Variants in CDC42BPB observed in about 807,000 individuals in gnomAD.
CDC42BPB encodes CDC42 binding protein kinase beta.
In CDC42BPB, 37 loss-of-function variants were observed where a neutral mutation model predicts 214.9. The observed-to-expected ratio is 0.17, with a 90% CI of 0.13 to 0.23. CDC42BPB has a LOEUF of 0.23. CDC42BPB is among the 10% of genes least tolerant of loss of function. CDC42BPB has a pLI of 1.00. For synonymous variants in CDC42BPB, 931 were observed against 884.0 expected, an observed-to-expected ratio of 1.05 and a Z score of -0.94; for missense variants, 1,694 against 2,227.0, an observed-to-expected ratio of 0.76 and a Z score of 4.82.
At chr14:102,964,174 G>A (rs1893083298) in intron 19 of CDC42BPB, among the ~76,000 whole-genome samples, 1 of 152,266 alleles carries the variant, frequency 6.6e-6, no homozygotes, top group South Asian at 2.1e-4. Flanking sequence ...TGACTAAGCA[G>A]TGAGAGGGGC....
intron 5 of CDC42BPB, among the ~76,000 whole-genome samples, chr14:102,993,563 G>C (rs1485735363): frequency 6.6e-6 from 1 of 150,766 alleles, no homozygotes; most frequent in Non-Finnish European, 1.5e-5. Flanking sequence ...GGGAGGGAGG[G>C]AGGGGAAATG....
At chr14:103,032,039 A>G (rs1887409294) in intron 1 of CDC42BPB, among the ~76,000 whole-genome samples, 1 of 151,110 alleles carries the variant, frequency 6.6e-6, no homozygotes. Flanking sequence ...ATCCTCACCC[A>G]GCAAGCAGCA....
intron 16 of CDC42BPB, among the ~76,000 whole-genome samples, chr14:102,967,974 A>C (rs1262362657): frequency 6.6e-6 from 1 of 152,136 alleles, no homozygotes; most frequent in Admixed American, 6.5e-5. Flanking sequence ...AGACGCCTGT[A>C]GTCCCAGCCA....
rs769846883 is a variant in CDC42BPB at position 102,947,747 on chromosome 14, G to A, written c.3505C>T (p.Arg1169Cys). The change falls in exon 27 of 37, where the codon CGC becomes TGC. Residue 1169 changes from arginine (R) to cysteine (C), a missense_variant. Arg to Cys is a radical substitution (Grantham distance 180). Coordinates refer to ENST00000361246, the MANE Select transcript of CDC42BPB (RefSeq NM_006035.4). ...VLASDVIHAT[R>C]RDIPCIFRVT... ...CTGAATATACATGGAATATCTCGGC[G>A]TGTAGCATGAATGACATCTGAGGCC... 3.7e-6 allele frequency: 6 copies of A among 1,612,316 alleles called. No homozygotes were observed. The highest frequency in any genetic ancestry group is 3.3e-5 in the South Asian group (3 of 91,070).
At chr14:102,974,475 C>T (rs778544046) in intron 11 of CDC42BPB, among the ~76,000 whole-genome samples, 7 of 152,218 alleles carry the variant, frequency 4.6e-5, no homozygotes, top group Non-Finnish European at 1.0e-4. Flanking sequence ...CAGCACAGTG[C>T]CTGGCCCTTG....
intron 5 of CDC42BPB, among the ~76,000 whole-genome samples, chr14:102,988,709 T>G (rs925522935): frequency 1.3e-5 from 2 of 152,142 alleles, no homozygotes; most frequent in Non-Finnish European, 2.9e-5. Context: ...TAAATTGGTG[T>G]TGTGACAACT....
intron 1 of CDC42BPB, among the ~76,000 whole-genome samples, chr14:103,019,899 T>C (rs1886672077): frequency 6.6e-6 from 1 of 152,088 alleles, no homozygotes; most frequent in African/African-American, 2.4e-5. Context: ...TCCCTTTAAA[T>C]AGGAAAAGCT....
rs988322613 is a variant in CDC42BPB, at chr14:102,943,669, T to C, written c.4408+222A>G. On this transcript the variant is annotated intron_variant, in intron 30 of 36. Coordinates refer to ENST00000361246, the MANE Select transcript of CDC42BPB (RefSeq NM_006035.4). The surrounding 1 kb of genome is among the most constrained non-coding windows in gnomAD (Gnocchi z 4.6). ...GAGGCCTCTGGAAGAACCGGCCCCA[T>C]GTGCTCAGGGAGAGAGGTTGCTGAG... The C allele has an allele frequency of 1.8e-6, 1 of 543,590 alleles. No individual in the cohort carries two copies. The highest frequency in any genetic ancestry group is 3.2e-6 in the Non-Finnish European group (1 of 310,386). 33.7% of individuals were successfully genotyped at this position (543,590 alleles called of 1,614,324 possible).
In CDC42BPB at chr14:103,057,263, C is replaced by T; in HGVS notation, c.-90G>A. ...CGCGCCCTCGGGGGCTCGGCGGCTGCGAGCCCCGGCAGCAGCGGCGCCTCC... is the reference window on the plus strand; with the variant it reads ...CGCGCCCTCGGGGGCTCGGCGGCTGTGAGCCCCGGCAGCAGCGGCGCCTCC... On this transcript the variant is annotated 5_prime_UTR_variant, in exon 1 of 37. Coordinates refer to ENST00000361246, the MANE Select transcript of CDC42BPB (RefSeq NM_006035.4). 1 of 1,164,422 alleles carries T rather than the reference C, an allele frequency of 8.6e-7. No homozygotes were observed. The highest frequency in any genetic ancestry group is 1.1e-6 in the Non-Finnish European group (1 of 945,126). 72.1% of individuals were successfully genotyped at this position (1,164,422 alleles called of 1,614,324 possible).
intron 1 of CDC42BPB, chr14:103,041,530 G>T: frequency 7.2e-7 from 1 of 1,380,142 alleles, no homozygotes; most frequent in Non-Finnish European, 1.0e-6. Flanking sequence ...GCTGGCTCGT[G>T]GCCACATGGT....
At chr14:103,003,866 A>T in intron 4 of CDC42BPB, 62 bp downstream of exon 4, 2 of 1,331,710 alleles carry the variant, frequency 1.5e-6, no homozygotes, top group South Asian at 2.6e-5. Flanking sequence ...ATTTTTAGTG[A>T]CAGCATAAAG....
At chr14:103,054,365 C>G (rs1888820962) in intron 1 of CDC42BPB, among the ~76,000 whole-genome samples, 2 of 152,198 alleles carry the variant, frequency 1.3e-5, no homozygotes, top group Admixed American at 1.3e-4. Flanking sequence ...CAGGAATCGA[C>G]ATATCAGAGG....
At chr14:102,947,414 G>A (rs1178062805) in intron 27 of CDC42BPB, among the ~76,000 whole-genome samples, 1 of 152,232 alleles carries the variant, frequency 6.6e-6, no homozygotes, top group African/African-American at 2.4e-5. Context: ...CGCCCGCCTG[G>A]CAGTGCACAC....
At chr14:103,015,801 T>C (rs142432080) in intron 1 of CDC42BPB, among the ~76,000 whole-genome samples, 1 of 151,914 alleles carries the variant, frequency 6.6e-6, no homozygotes, top group African/African-American at 2.4e-5. Flanking sequence ...CTCCGCCTCC[T>C]GGGTTCAAGC....
intron 1 of CDC42BPB, among the ~76,000 whole-genome samples, chr14:103,053,134 G>C (rs1353540020): frequency 6.6e-6 from 1 of 151,636 alleles, no homozygotes; most frequent in Admixed American, 6.6e-5. Flanking sequence ...TGGATCACGA[G>C]GTCAGGACTT....
chr14:103,010,933 G>A (rs1886120647), intron 2 of CDC42BPB, among the ~76,000 whole-genome samples: 1 of 152,256 alleles, frequency 6.6e-6, no homozygotes, highest in Non-Finnish European at 1.5e-5. Flanking sequence ...GGGAGGCTGA[G>A]GCAGGAGAAT....
intron 2 of CDC42BPB, 56 bp from the exon 3 acceptor site, chr14:103,008,611 C>G (rs549028922): frequency 1.9e-6 from 3 of 1,591,138 alleles, no homozygotes; most frequent in East Asian, 2.2e-5. Context: ...AAGGCTAGCA[C>G]GCTGGAGCTA....
intron 30 of CDC42BPB, chr14:102,940,680 G>C (rs1231193016): frequency 3.0e-6 from 1 of 332,462 alleles, no homozygotes; most frequent in African/African-American, 2.1e-5. Flanking sequence ...TGGAAATTCA[G>C]GTAGGGGCCG....
chr14:102,941,666 A>T, intron 30 of CDC42BPB: 1 of 497,442 alleles, frequency 2.0e-6, no homozygotes, highest in Non-Finnish European at 2.6e-6. Flanking sequence ...ACAGATGCCC[A>T]GTGAAAAGAT....
Sources: allele counts gnomAD v4.1 joint callset (sites outside exome capture counted in the v4.1 genomes callset), GRCh38; gene constraint gnomAD v4.1.1; non-coding constraint Gnocchi (gnomAD v3.1); transcripts MANE v1.5; gene names NCBI Gene and HGNC (gene_info 2026-07-23, HGNC 2026-07-21).